The following GRM7 variants were observed in gnomAD, a reference collection of about 807,000 sequenced individuals.
The protein encoded by GRM7 is glutamate metabotropic receptor 7, also known as metabotropic glutamate receptor 7.
In GRM7, 35 loss-of-function variants were observed where a neutral mutation model predicts 84.5. That is an observed-to-expected ratio of 0.41 (90% CI 0.32 to 0.55). The LOEUF is 0.55. Among genes scored for constraint, GRM7 ranks in the 20% least tolerant of loss-of-function variants. The pLI, the probability that GRM7 is intolerant of heterozygous loss-of-function variation, is 0.19. For synonymous variants in GRM7, 487 were observed against 455.1 expected, an observed-to-expected ratio of 1.07 and a Z score of -0.89; for missense variants, 1,003 against 1,194.6, an observed-to-expected ratio of 0.84 and a Z score of 2.36.
intron 3 of GRM7, among the ~76,000 whole-genome samples, chr3:7,304,788 C>T (rs1042491185): frequency 1.3e-5 from 2 of 152,106 alleles, no homozygotes; most frequent in East Asian, 3.8e-4. Context: ...TGATCATTCT[C>T]ATTTAAATGT....
chr3:7,433,063 A>C (rs1470616014), intron 5 of GRM7, among the ~76,000 whole-genome samples: 1 of 152,228 alleles, frequency 6.6e-6, no homozygotes, highest in Admixed American at 6.5e-5. Context: ...AGGAAAGTAG[A>C]GAGGAAGGAA....
chr3:7,694,168 C>T (rs1412570346), intron 9 of GRM7, among the ~76,000 whole-genome samples: 2 of 152,118 alleles, frequency 1.3e-5, no homozygotes, highest in Non-Finnish European at 2.9e-5. Context: ...AATGCTGACT[C>T]TTTAGAAAAG....
chr3:7,044,805 C>T (rs1211019529), intron 1 of GRM7, among the ~76,000 whole-genome samples: 1 of 152,144 alleles, frequency 6.6e-6, no homozygotes, highest in East Asian at 1.9e-4. Flanking sequence ...TCAGAGTGAA[C>T]TTCACCTGGT....
chr3:7,009,170 T>C (rs899867533), intron 1 of GRM7, among the ~76,000 whole-genome samples: 19 of 152,358 alleles, frequency 1.2e-4, no homozygotes, highest in African/African-American at 3.4e-4. Context: ...ATGAAACAAC[T>C]GGTGCCTAAA....
At chr3:7,450,426 C>A (rs1697718075) in intron 5 of GRM7, among the ~76,000 whole-genome samples, 1 of 152,150 alleles carries the variant, frequency 6.6e-6, no homozygotes, top group South Asian at 2.1e-4. Context: ...TCCTCCACTT[C>A]TCAAAATTCT....
intron 2 of GRM7, among the ~76,000 whole-genome samples, chr3:7,220,249 T>TGCC (rs1696755658): frequency 6.6e-6 from 1 of 152,198 alleles, no homozygotes; most frequent in African/African-American, 2.4e-5. Context: ...ATGAAGTAAC[T>TGCC]TTACAGTGGA....
intron 8 of GRM7, among the ~76,000 whole-genome samples, chr3:7,599,721 G>A (rs1696226037): frequency 6.6e-6 from 1 of 152,130 alleles, no homozygotes; most frequent in Non-Finnish European, 1.5e-5. Context: ...AACTGACAAA[G>A]AATCTTATAC....
intron 8 of GRM7, among the ~76,000 whole-genome samples, chr3:7,667,860 CAAA>C (rs61182264): frequency 1.0e-4 from 13 of 128,416 alleles, no homozygotes; most frequent in Admixed American, 3.1e-4. Flanking sequence ...AGATTTATGT[CAAA>C]AAAAAAAAAA....
intron 7 of GRM7, among the ~76,000 whole-genome samples, chr3:7,571,230 T>G (rs996796151): frequency 2.0e-5 from 3 of 152,226 alleles, no homozygotes; most frequent in African/African-American, 7.2e-5. Context: ...TATGAAAATT[T>G]CTTCAGCTGG....
At chr3:7,370,057 G>T (rs1405614063) in intron 4 of GRM7, among the ~76,000 whole-genome samples, 1 of 152,010 alleles carries the variant, frequency 6.6e-6, no homozygotes, top group Non-Finnish European at 1.5e-5. Context: ...CCAGGCCATT[G>T]GGTAACTTCA....
chr3:7,275,630 G>C lies in GRM7; in HGVS notation c.737-23054G>C, dbSNP rs554292458. ...GTTGGGGATTTTCCTTCCCCAACTA[G>C]GTGAGGTAGGTTCTAATAAAACCCC... On this transcript the variant is annotated intron_variant, in intron 2 of 9. Transcript: ENST00000357716. Among the ~76,000 whole-genome samples, 43 of 152,192 alleles carry C rather than the reference G, an allele frequency of 2.8e-4. 2 individuals are homozygous for C. In the East Asian group the frequency reaches 8.1e-3, roughly 29 times the overall value.
At chr3:7,296,358 T>C (rs553618782) in intron 2 of GRM7, among the ~76,000 whole-genome samples, 3 of 152,198 alleles carry the variant, frequency 2.0e-5, no homozygotes, top group Admixed American at 1.3e-4. Context: ...TATTTTTGTT[T>C]GGTAATATCT....
intron 5 of GRM7, 49 bp from the exon 6 acceptor site, chr3:7,452,558 T>G (rs1697815983): frequency 2.0e-6 from 2 of 1,006,712 alleles, no homozygotes; most frequent in Middle Eastern, 2.6e-4. Context: ...CAATGCCAAT[T>G]TGTGTGTGTG....
At chr3:7,570,520 C>A (rs1415326110) in intron 7 of GRM7, among the ~76,000 whole-genome samples, 1 of 152,192 alleles carries the variant, frequency 6.6e-6, no homozygotes, top group Non-Finnish European at 1.5e-5. Flanking sequence ...CCTTTTACTC[C>A]ATGTCTCACA....
intron 2 of GRM7, among the ~76,000 whole-genome samples, chr3:7,148,201 T>C (rs1180630288): frequency 6.6e-6 from 1 of 152,228 alleles, no homozygotes; most frequent in East Asian, 1.9e-4. Flanking sequence ...TTGATGACTA[T>C]GTTTTTCTTT....
At chr3:7,554,560 AT>A (rs1389481799) in intron 7 of GRM7, among the ~76,000 whole-genome samples, 2 of 152,244 alleles carry the variant, frequency 1.3e-5, no homozygotes, top group Non-Finnish European at 2.9e-5. Flanking sequence ...AGGGTAAGTA[AT>A]CCACCGCTAA....
At chr3:7,042,269 G>A (rs1194022210) in intron 1 of GRM7, among the ~76,000 whole-genome samples, 1 of 151,988 alleles carries the variant, frequency 6.6e-6, no homozygotes, top group African/African-American at 2.4e-5. Flanking sequence ...GGAGGGGTGG[G>A]AGCAACAAGC....
intron 2 of GRM7, among the ~76,000 whole-genome samples, chr3:7,271,426 GC>G (rs1390205859): frequency 2.6e-5 from 4 of 151,894 alleles, no homozygotes; most frequent in Non-Finnish European, 4.4e-5. Flanking sequence ...GGGCGTGGTG[GC>G]GGGCGCCTGT....
At chr3:7,157,190 C>A (rs946916775) in intron 2 of GRM7, among the ~76,000 whole-genome samples, 1 of 152,054 alleles carries the variant, frequency 6.6e-6, no homozygotes, top group Admixed American at 6.6e-5. Flanking sequence ...TAAGAAAGCA[C>A]CCCATTGTCT....
Sources: gnomAD v4.1 joint callset for allele counts (sites outside exome capture counted in the v4.1 genomes callset) on GRCh38, gnomAD v4.1.1 for gene constraint, MANE v1.5 for transcripts, NCBI Gene and HGNC (gene_info 2026-07-23, HGNC 2026-07-21) for gene names.